The following FAH variants were observed in gnomAD, a reference collection of about 807,000 sequenced individuals.
The protein encoded by FAH is fumarylacetoacetate hydrolase.
FAH carries 47 observed loss-of-function variants against 55.8 expected under a neutral mutation model. The ratio of observed to expected loss-of-function variants is 0.84; its 90% CI spans 0.67 to 1.07. The LOEUF is 1.07. Among genes scored for constraint, FAH ranks in the 50% least tolerant of loss-of-function variants. The pLI is 0.00. For missense variants in FAH, 495 were observed against 545.9 expected (o/e 0.91, Z 0.93); for synonymous variants, 199 against 207.7 (o/e 0.96, Z 0.36).
rs1213358951 is a variant in FAH at position 80,186,115 on chromosome 15, C to G, written c.1181-15C>G. 1 of 1,612,652 alleles carries G rather than the reference C, an allele frequency of 6.2e-7. No individual in the cohort carries two copies. Among genetic ancestry groups the G allele is most frequent in the South Asian group, 1.1e-5 (1 of 91,064 alleles). On this transcript the variant is annotated splice_polypyrimidine_tract_variant and intron_variant, in intron 13 of 13. Coordinates refer to ENST00000561421, the MANE Select transcript of FAH (RefSeq NM_000137.4). Reference sequence around the variant, plus strand: ...CAGCAACTTTGTGACTGATCCTTGTCCTCCTCTGTTCCAGGGTACTGCCAG... The same window carrying G: ...CAGCAACTTTGTGACTGATCCTTGTGCTCCTCTGTTCCAGGGTACTGCCAG...
At position 80,158,111 on chromosome 15, in the gene FAH, A is replaced by G. The variant is rs375743726; in HGVS notation, c.133A>G (p.Ile45Val). 1.2e-5 allele frequency: 20 copies of G among 1,614,088 alleles called. No homozygotes were observed. The highest frequency in any genetic ancestry group is 1.6e-5 in the Non-Finnish European group (19 of 1,180,034). The part of the protein sequence containing the change: ...AIGDQILDLS[I>V]IKHLFTGPVL... ...TGGCGACCAGATCCTGGACCTCAGC[A>G]TCATCAAGCACCTCTTTACTGGTCC... is the stretch of plus-strand genomic sequence containing the variant. The change falls in exon 2 of 14, where the codon ATC becomes GTC. Residue 45 changes from isoleucine (I) to valine (V), a missense_variant. Transcript: ENST00000561421.
Position 80,173,095 on chromosome 15 carries a change from T to G in FAH, c.788T>G (p.Val263Gly). Residue 263 changes from valine (V) to glycine (G), a missense_variant, in exon 9 of 14, where the codon GTG becomes GGG. Transcript: ENST00000561421. ...KSFGTTVSPW[V>G]VPMDALMPFA... is the part of the protein sequence containing the mutation. Reference sequence around the variant, plus strand: ...TTTGGGACCACTGTCTCTCCGTGGGTGGTGCCCATGGATGCTCTCATGCCC... The same window carrying G: ...TTTGGGACCACTGTCTCTCCGTGGGGGGTGCCCATGGATGCTCTCATGCCC... 1 of 1,614,128 alleles carries G rather than the reference T, an allele frequency of 6.2e-7. No individual in the cohort carries two copies. Among genetic ancestry groups the G allele is most frequent in the Non-Finnish European group, 8.5e-7 (1 of 1,179,968 alleles).
At chr15:80,175,808 C>T (rs1297797873) in intron 10 of FAH, among the ~76,000 whole-genome samples, 1 of 152,210 alleles carries the variant, frequency 6.6e-6, no homozygotes, top group Non-Finnish European at 1.5e-5. Context: ...CGGCGTTGAC[C>T]TCATGGTGTG....
intron 13 of FAH, among the ~76,000 whole-genome samples, chr15:80,185,801 T>C (rs577989309): frequency 1.3e-5 from 2 of 152,270 alleles, no homozygotes; most frequent in Admixed American, 1.3e-4. Context: ...CCACAACACA[T>C]GGGAATTATG....
chr15:80,181,490 C>T (rs2041330829), intron 13 of FAH, among the ~76,000 whole-genome samples: 1 of 152,130 alleles, frequency 6.6e-6, no homozygotes, highest in South Asian at 2.1e-4. Flanking sequence ...TGACTAGGAT[C>T]AAGGAAGGTT....
At chr15:80,173,654 G>GAT in intron 9 of FAH, 1 of 253,464 alleles carries the variant, frequency 3.9e-6, no homozygotes. Flanking sequence ...GTTGCAATCT[G>GAT]CCCCACTCCA....
intron 1 of FAH, among the ~76,000 whole-genome samples, chr15:80,154,903 G>T (rs562308473): frequency 1.3e-5 from 2 of 152,294 alleles, no homozygotes; most frequent in Admixed American, 6.5e-5. Context: ...TAGTAGTGTG[G>T]AGCTGGTTTT....
At chr15:80,176,473 A>G (rs1285560538) in intron 10 of FAH, among the ~76,000 whole-genome samples, 2 of 152,186 alleles carry the variant, frequency 1.3e-5, no homozygotes, top group African/African-American at 4.8e-5. Flanking sequence ...AGGATGCTCC[A>G]TGGAGAAAGA....
chr15:80,163,111 GAGGGGAGGGTCTGTTAGAACCA>G (rs1453870601), intron 5 of FAH: 1 of 152,676 alleles, frequency 6.5e-6, no homozygotes, highest in African/African-American at 2.4e-5. Context: ...GCTATGCCAT[GAGGGGAGGGTCTGTTAGAACCA>G]AGATGAGGAA....
chr15:80,171,031 C>T (rs999420129), intron 7 of FAH, among the ~76,000 whole-genome samples: 1 of 151,574 alleles, frequency 6.6e-6, no homozygotes, highest in Non-Finnish European at 1.5e-5. Flanking sequence ...ATGAAGGAGG[C>T]AGTCTTTTGG....
At chr15:80,186,586 C>A (rs113827304), downstream of FAH, 257 of 307,346 alleles carry the variant, frequency 8.4e-4, 3 homozygotes, top group African/African-American at 5.0e-3. Context: ...AGAAAGAGAT[C>A]GATTTATTGA....
intron 4 of FAH, among the ~76,000 whole-genome samples, chr15:80,161,011 C>T (rs747625223): frequency 2.0e-5 from 3 of 152,178 alleles, no homozygotes; most frequent in Non-Finnish European, 4.4e-5. Context: ...GGCCAGTTGA[C>T]CCTGCCCCTG....
upstream of FAH, chr15:80,152,881 T>C (rs1249068911): frequency 1.9e-5 from 11 of 568,440 alleles, no homozygotes; most frequent in Admixed American, 3.1e-4. Flanking sequence ...GGGGGCGGGG[T>C]GTTCACGGTG....
chr15:80,159,668 T>TGGCA, intron 2 of FAH, 88 bp from the exon 3 acceptor site: 1 of 1,513,214 alleles, frequency 6.6e-7, no homozygotes, highest in South Asian at 1.1e-5. Flanking sequence ...TGGCAAGGGC[T>TGGCA]GGCAGGCTGG....
intron 1 of FAH, 125 bp downstream of exon 1, chr15:80,153,260 C>A: frequency 1.2e-6 from 1 of 801,602 alleles, no homozygotes. Flanking sequence ...CCATTTTTCT[C>A]TTAAGATTCG....
chr15:80,174,190 C>G (rs2041264060), intron 9 of FAH, among the ~76,000 whole-genome samples: 1 of 152,152 alleles, frequency 6.6e-6, no homozygotes, highest in African/African-American at 2.4e-5. Context: ...TGGCAGCGGC[C>G]TTGTCTAGTC....
chr15:80,167,113 C>T (rs966062512), intron 5 of FAH: 1 of 151,840 alleles, frequency 6.6e-6, no homozygotes, highest in African/African-American at 2.4e-5. Context: ...ATCTTGAATC[C>T]ATCTGGATTT....
intron 5 of FAH, among the ~76,000 whole-genome samples, chr15:80,164,320 A>G (rs557840444): frequency 6.6e-6 from 1 of 152,228 alleles, no homozygotes; most frequent in African/African-American, 2.4e-5. Context: ...TTCTGCTGTT[A>G]CATTTCCTAC....
chr15:80,163,639 A>G (rs2041168300), intron 5 of FAH: 1 of 152,224 alleles, frequency 6.6e-6, no homozygotes, highest in South Asian at 2.1e-4. Context: ...TTTTAGCTTT[A>G]TGTACATAGT....
Sources: allele counts gnomAD v4.1 joint callset (sites outside exome capture counted in the v4.1 genomes callset), GRCh38; gene constraint gnomAD v4.1.1; transcripts MANE v1.5; gene names NCBI Gene and HGNC (gene_info 2026-07-23, HGNC 2026-07-21).